Variants in ST3GAL3 observed in about 807,000 individuals in gnomAD.
The protein encoded by ST3GAL3 is ST3 beta-galactoside alpha-2,3-sialyltransferase 3, also known as CMP-N-acetylneuraminate-beta-1,4-galactoside alpha-2,3-sialyltransferase.
A neutral mutation model predicts 50.1 loss-of-function variants in ST3GAL3; 21 were observed. The ratio of observed to expected loss-of-function variants is 0.42; its 90% CI spans 0.30 to 0.60. The LOEUF is 0.60. Among genes scored for constraint, ST3GAL3 ranks in the 20% least tolerant of loss-of-function variants. The probability of loss-of-function intolerance (pLI) is 0.19; values close to 1 mark genes in which losing one functional copy is unlikely to be tolerated. For missense variants in ST3GAL3, 353 were observed against 489.4 expected (o/e 0.72, Z 2.63); for synonymous variants, 183 against 190.0 (o/e 0.96, Z 0.30).
chr1:43,728,368 A>G (rs1673983050), intron 1 of ST3GAL3, among the ~76,000 whole-genome samples: 1 of 152,338 alleles, frequency 6.6e-6, no homozygotes, highest in South Asian at 2.1e-4. Flanking sequence ...CAAAAACACC[A>G]TCAAAATCTA....
chr1:43,817,143 A>G (rs2061337831), intron 4 of ST3GAL3, among the ~76,000 whole-genome samples: 1 of 152,230 alleles, frequency 6.6e-6, no homozygotes, highest in Non-Finnish European at 1.5e-5. Context: ...ATGACCTTAG[A>G]TAATTATTAT....
At chr1:43,742,475 G>C (rs1214142881) in intron 2 of ST3GAL3, among the ~76,000 whole-genome samples, 1 of 152,100 alleles carries the variant, frequency 6.6e-6, no homozygotes, top group African/African-American at 2.4e-5. Context: ...TGAACCATCT[G>C]CTAAAATACA....
At chr1:43,907,994 G>C (rs2080102182) in intron 9 of ST3GAL3, among the ~76,000 whole-genome samples, 1 of 152,146 alleles carries the variant, frequency 6.6e-6, no homozygotes, top group Admixed American at 6.5e-5. Context: ...AAATCCAGCA[G>C]ACTCAACCTC....
intron 2 of ST3GAL3, among the ~76,000 whole-genome samples, chr1:43,781,608 C>CA (rs34427804): frequency 0.32 from 39,199 of 123,456 alleles, 5,387 homozygotes; most frequent in Middle Eastern, 0.34. Context: ...AAGACTGTCT[C>CA]AAAAAAAAAA....
chr1:43,824,612 G>T (rs2062540802), intron 4 of ST3GAL3: 2 of 1,175,446 alleles, frequency 1.7e-6, no homozygotes, highest in Admixed American at 3.4e-5. Flanking sequence ...TGCAGGATTT[G>T]GCTAGGTTCT....
intron 2 of ST3GAL3, among the ~76,000 whole-genome samples, chr1:43,778,550 CAAAG>C (rs963121695): frequency 2.4e-4 from 36 of 150,590 alleles, no homozygotes; most frequent in African/African-American, 7.4e-4. Context: ...CATATTTAGA[CAAAG>C]AAAACAATTA....
At chr1:43,879,285 C>T (rs1224050151) in intron 5 of ST3GAL3, 6 of 455,990 alleles carry the variant, frequency 1.3e-5, no homozygotes, top group East Asian at 6.9e-5. Context: ...TGAGGTGAGA[C>T]GTGAGCATTG....
intron 2 of ST3GAL3, among the ~76,000 whole-genome samples, chr1:43,766,068 G>T (rs1692836639): frequency 6.6e-6 from 1 of 152,064 alleles, no homozygotes; most frequent in Admixed American, 6.6e-5. Context: ...CTAAGAGCTG[G>T]AATAAAAAAT....
chr1:43,806,763 C>A (rs987549492), intron 3 of ST3GAL3, among the ~76,000 whole-genome samples: 2 of 152,196 alleles, frequency 1.3e-5, no homozygotes, highest in Non-Finnish European at 2.9e-5. Flanking sequence ...AGTCATGGCT[C>A]ACTGTAGCCT....
chr1:43,857,506 C>CCCT (rs756659601), intron 5 of ST3GAL3, among the ~76,000 whole-genome samples: 10,038 of 123,188 alleles, frequency 0.081, 646 homozygotes, highest in East Asian at 0.24. Context: ...CTTCCCTCTT[C>CCCT]CTTCCTTCCT....
chr1:43,828,434 A>C (rs547780048), intron 4 of ST3GAL3, among the ~76,000 whole-genome samples: 1 of 152,334 alleles, frequency 6.6e-6, no homozygotes, highest in East Asian at 1.9e-4. Flanking sequence ...TACTCTGTGA[A>C]GTTCACTGTT....
rs568452561 is a variant in ST3GAL3 at position 43,876,507 on chromosome 1, C to T, written c.303-17876C>T. On this transcript the variant is annotated intron_variant, in intron 5 of 11. Transcript: ENST00000347631. The stretch of plus-strand genomic sequence containing the variant: ...AAAAGATTCAGTCCATAGAGGCCAT[C>T]GTAAGGTACTGTGGCAGGAAAGGCT... Among the ~76,000 whole-genome samples the T allele has an allele frequency of 1.2e-4, 19 of 152,254 alleles. No homozygotes were observed. In the South Asian group the frequency reaches 3.9e-3, roughly 32 times the overall value.
chr1:43,718,269 A>G (rs1206510807), intron 1 of ST3GAL3, among the ~76,000 whole-genome samples: 1 of 135,734 alleles, frequency 7.4e-6, no homozygotes, highest in African/African-American at 2.8e-5. Flanking sequence ...GGCTCACTGC[A>G]AGCTATCCCT....
intron 4 of ST3GAL3, among the ~76,000 whole-genome samples, chr1:43,820,566 T>C (rs1353070922): frequency 6.6e-6 from 1 of 152,174 alleles, no homozygotes; most frequent in Non-Finnish European, 1.5e-5. Flanking sequence ...TCTAGTGATA[T>C]TCCAAAAGCC....
intron 5 of ST3GAL3, among the ~76,000 whole-genome samples, chr1:43,872,361 G>A (rs1422319323): frequency 1.3e-5 from 2 of 150,364 alleles, no homozygotes; most frequent in Non-Finnish European, 3.0e-5. Flanking sequence ...GGGTGTGAGG[G>A]GGGAGGACTG....
chr1:43,736,192 G>A, intron 1 of ST3GAL3, 41 bp from the exon 2 acceptor site: 1 of 1,541,658 alleles, frequency 6.5e-7, no homozygotes, highest in Non-Finnish European at 9.0e-7. Flanking sequence ...TCAATAAGAT[G>A]AGTGCTTTGT....
intron 2 of ST3GAL3, among the ~76,000 whole-genome samples, chr1:43,761,389 A>G (rs550648515): frequency 3.9e-5 from 6 of 152,168 alleles, no homozygotes; most frequent in Admixed American, 6.5e-5. Context: ...CCTTGTGTTA[A>G]TGATATTGTG....
chr1:43,792,028 G>A, intron 2 of ST3GAL3, 74 bp from the exon 3 acceptor site: 1 of 1,568,990 alleles, frequency 6.4e-7, no homozygotes, highest in East Asian at 2.2e-5. Context: ...GGGAGGGTTT[G>A]GGCAGAGCCA....
chr1:43,860,210 T>A (rs2069558535), intron 5 of ST3GAL3, among the ~76,000 whole-genome samples: 1 of 152,310 alleles, frequency 6.6e-6, no homozygotes, highest in South Asian at 2.1e-4. Flanking sequence ...TTTTTAAACA[T>A]GGTCAGCAGC....
Sources: allele counts gnomAD v4.1 joint callset (sites outside exome capture counted in the v4.1 genomes callset), GRCh38; gene constraint gnomAD v4.1.1; transcripts MANE v1.5; gene names NCBI Gene and HGNC (gene_info 2026-07-23, HGNC 2026-07-21).